Variants in SLC1A2 observed in about 807,000 individuals in gnomAD.
SLC1A2 encodes the protein solute carrier family 1 member 2.
A neutral mutation model predicts 48.8 loss-of-function variants in SLC1A2; 15 were observed. The ratio of observed to expected loss-of-function variants is 0.31; its 90% confidence interval spans 0.21 to 0.47. The LOEUF is 0.47. Among genes scored for constraint, SLC1A2 ranks in the 20% least tolerant of loss-of-function variants. The pLI is 0.99. For missense variants in SLC1A2, 502 were observed against 730.5 expected (o/e 0.69, Z 3.61); for synonymous variants, 279 against 272.6 (o/e 1.02, Z -0.23).
chr11:35,321,406 C>T (rs1852063274), intron 1 of SLC1A2, among the ~76,000 whole-genome samples: 2 of 151,928 alleles, frequency 1.3e-5, no homozygotes. Flanking sequence ...GAATAGAAAC[C>T]TAGAAGAAAT....
At chr11:35,409,475 T>C (rs573660710) in intron 1 of SLC1A2, among the ~76,000 whole-genome samples, 1 of 152,206 alleles carries the variant, frequency 6.6e-6, no homozygotes, top group Non-Finnish European at 1.5e-5. Flanking sequence ...AGAAATTAGA[T>C]TAATGTAACT....
chr11:35,304,093 A>C (rs1484787757), intron 5 of SLC1A2, among the ~76,000 whole-genome samples: 1 of 152,094 alleles, frequency 6.6e-6, no homozygotes, highest in Non-Finnish European at 1.5e-5. Context: ...ACATTGCCTA[A>C]TTGAAATTGC....
At chr11:35,345,097 C>T (rs1474827020) in intron 1 of SLC1A2, among the ~76,000 whole-genome samples, 1 of 152,152 alleles carries the variant, frequency 6.6e-6, no homozygotes, top group Admixed American at 6.5e-5. Flanking sequence ...AATAAACAAG[C>T]CGATTTAAGC....
chr11:35,267,105 C>T (rs949207413), intron 9 of SLC1A2, among the ~76,000 whole-genome samples: 11 of 152,180 alleles, frequency 7.2e-5, no homozygotes, highest in Admixed American at 3.9e-4. Context: ...TCAGTGTGAT[C>T]GGGTCTACAT....
intron 6 of SLC1A2, among the ~76,000 whole-genome samples, chr11:35,295,193 G>T (rs969162075): frequency 4.6e-5 from 7 of 152,012 alleles, no homozygotes; most frequent in Admixed American, 3.3e-4. Flanking sequence ...GACTACAGGT[G>T]TTTGCCACCA....
At chr11:35,363,364 T>C (rs10836379) in intron 1 of SLC1A2, among the ~76,000 whole-genome samples, 33,501 of 152,024 alleles carry the variant, frequency 0.22, 4,310 homozygotes, top group African/African-American at 0.36. Context: ...GAAGGGCGGA[T>C]GGCTTGGAGC....
intron 4 of SLC1A2, among the ~76,000 whole-genome samples, chr11:35,308,533 G>T (rs1490262451): frequency 1.3e-5 from 2 of 152,168 alleles, no homozygotes; most frequent in African/African-American, 2.4e-5. Flanking sequence ...ACACAATGAA[G>T]ATATCAGCAT....
chr11:35,278,432 C>A (rs867378284), intron 9 of SLC1A2, among the ~76,000 whole-genome samples: 16 of 151,964 alleles, frequency 1.1e-4, no homozygotes, highest in Admixed American at 5.2e-4. Flanking sequence ...TATGCCACCA[C>A]ACCTGGCTAA....
chr11:35,305,955 CA>C (rs1265313899), intron 5 of SLC1A2, 118 bp downstream of exon 5: 1 of 856,578 alleles, frequency 1.2e-6, no homozygotes, highest in Non-Finnish European at 1.8e-6. Context: ...AATTGCTCCC[CA>C]GAGAGAGCCT....
At chr11:35,289,563 C>T (rs536390041) in intron 7 of SLC1A2, among the ~76,000 whole-genome samples, 1 of 152,132 alleles carries the variant, frequency 6.6e-6, no homozygotes, top group South Asian at 2.1e-4. Flanking sequence ...CCATGCAAAT[C>T]CCCTTAAGAT....
intron 9 of SLC1A2, among the ~76,000 whole-genome samples, chr11:35,276,375 C>T (rs1428379354): frequency 6.6e-6 from 1 of 152,114 alleles, no homozygotes; most frequent in African/African-American, 2.4e-5. Context: ...CTCCTTTCTT[C>T]CCAGCTCCAG....
At chr11:35,321,510 C>T (rs1307372116) in intron 1 of SLC1A2, among the ~76,000 whole-genome samples, 1 of 151,846 alleles carries the variant, frequency 6.6e-6, no homozygotes, top group Non-Finnish European at 1.5e-5. Context: ...CTACCAAGAT[C>T]CTAAAGCTCC....
chr11:35,315,900 T>C (rs1028325552), intron 2 of SLC1A2: 1 of 152,166 alleles, frequency 6.6e-6, no homozygotes, highest in African/African-American at 2.4e-5. Context: ...CTTGGCCACA[T>C]GGCATGGCAT....
At chr11:35,316,701 T>C (rs887994523) in intron 2 of SLC1A2, 12 of 152,270 alleles carry the variant, frequency 7.9e-5, no homozygotes, top group African/African-American at 2.9e-4. Context: ...GGAAATGGTG[T>C]GGTTGTCATT....
chr11:35,323,146 G>T (rs1852132712), intron 1 of SLC1A2: 1 of 258,158 alleles, frequency 3.9e-6, no homozygotes, highest in Non-Finnish European at 7.5e-6. Context: ...TGGTCCTGCT[G>T]GTGAGGCACT....
At chr11:35,407,885 A>T (rs569187353) in intron 1 of SLC1A2, among the ~76,000 whole-genome samples, 7 of 152,300 alleles carry the variant, frequency 4.6e-5, no homozygotes, top group South Asian at 4.1e-4. Context: ...CTCTAGCTTC[A>T]TGCTGTGTGC....
chr11:35,261,632 GT>G (rs1388933007), intron 10 of SLC1A2: 3 of 398,464 alleles, frequency 7.5e-6, no homozygotes, highest in African/African-American at 4.1e-5. Context: ...AGAATAGGAG[GT>G]TTTCCCCTCC....
At chr11:35,382,752 C>T (rs1055605781) in intron 1 of SLC1A2, among the ~76,000 whole-genome samples, 17 of 151,628 alleles carry the variant, frequency 1.1e-4, no homozygotes, top group South Asian at 2.1e-4. Flanking sequence ...GCTGCGATCA[C>T]GCCACTGCAC....
At position 35,360,074 on chromosome 11, in the gene SLC1A2, G is replaced by C. The variant is rs115518004; in HGVS notation, c.18-42558C>G. On this transcript the variant is annotated intron_variant, in intron 1 of 10. Transcript: ENST00000278379. ...ATTCTCTCGGCTCCAGGAACGTGCTGGTCACGTAGTGCTGGAGTGAGCTGT... is the reference window on the plus strand; with the variant it reads ...ATTCTCTCGGCTCCAGGAACGTGCTCGTCACGTAGTGCTGGAGTGAGCTGT... 2.7e-4 allele frequency: 267 copies of C among 985,224 alleles called. 1 individual carries two copies. In the African/African-American group the frequency reaches 4.5e-3, roughly 17 times the overall value. 61.0% of individuals were successfully genotyped at this position (985,224 alleles called of 1,614,324 possible). A position where few individuals can be genotyped will look rare whatever the true frequency, so the allele number is the denominator to read the frequency against.
Sources: allele counts gnomAD v4.1 joint callset (sites outside exome capture counted in the v4.1 genomes callset), GRCh38; gene constraint gnomAD v4.1.1; transcripts MANE v1.5; gene names NCBI Gene and HGNC (gene_info 2026-07-23, HGNC 2026-07-21).